Variants in SYT14 observed in about 807,000 individuals in gnomAD.
The protein encoded by SYT14 is synaptotagmin-14.
Under a neutral mutation model 74.2 loss-of-function variants are expected in SYT14, and 32 were observed. The observed-to-expected ratio is 0.43, with a 90% confidence interval of 0.33 to 0.58. SYT14 has a LOEUF of 0.58. Ranked by LOEUF, SYT14 falls within the 20% of genes least tolerant of loss-of-function variation. The pLI is 0.05. For synonymous variants in SYT14, 298 were observed against 337.7 expected (o/e 0.88, Z 1.29); for missense variants, 791 against 981.8 (o/e 0.81, Z 2.60).
rs1172334520 is a variant in SYT14 at position 210,160,849 on chromosome 1, C to T, written c.2402C>T (p.Ala801Val). 3.7e-6 allele frequency: 6 copies of T among 1,613,834 alleles called. No individual in the cohort carries two copies. The African/African-American group carries it at 8.0e-5, about 22-fold the overall frequency. ...AAGGAAACTTTTGTCTTTCAAGTGG[C>T]CCTATTTCAGCTTTCTGATGTGACA... The change falls in exon 10 of 10, where the codon GCC becomes GTC. Residue 801 changes from alanine to valine, a missense_variant. Physicochemically the swap from Ala to Val is moderately conservative, Grantham distance 64. Coordinates refer to ENST00000637265, the Ensembl canonical transcript of SYT14.
At chr1:210,028,010 A>AT (rs2080451337) in intron 5 of SYT14, among the ~76,000 whole-genome samples, 1 of 152,156 alleles carries the variant, frequency 6.6e-6, no homozygotes, top group African/African-American at 2.4e-5. Flanking sequence ...CATCTCTAGG[A>AT]TTTTTTCATC....
chr1:210,067,139 A>G (rs184277522), intron 5 of SYT14, among the ~76,000 whole-genome samples: 74 of 152,136 alleles, frequency 4.9e-4, no homozygotes, highest in African/African-American at 1.7e-3. Flanking sequence ...ACTGTCAAGT[A>G]TATGTCATTG....
At chr1:210,017,008 C>T in exon 4 of SYT14, 5 of 1,231,690 alleles carry the variant, frequency 4.1e-6, no homozygotes, top group Non-Finnish European at 5.1e-6. Context: ...TGAACGAAGA[C>T]ATAAAACCAA....
intron 2 of SYT14, among the ~76,000 whole-genome samples, chr1:209,959,093 C>A (rs9430026): frequency 0.46 from 69,326 of 152,044 alleles, 17,105 homozygotes; most frequent in Non-Finnish European, 0.56. Context: ...TATGTTTATA[C>A]AAAAATTTGT....
At chr1:210,052,348 G>A (rs1417143989) in intron 5 of SYT14, among the ~76,000 whole-genome samples, 1 of 151,164 alleles carries the variant, frequency 6.6e-6, no homozygotes, top group East Asian at 2.0e-4. Flanking sequence ...AGCCTCTGGA[G>A]TAGCTGGAAC....
At chr1:209,973,344 A>C (rs2079293828) in intron 2 of SYT14, among the ~76,000 whole-genome samples, 1 of 152,050 alleles carries the variant, frequency 6.6e-6, no homozygotes, top group Non-Finnish European at 1.5e-5. Flanking sequence ...TATATATCCT[A>C]ATGCTATCCC....
At chr1:210,159,138 A>G (rs538431169) in intron 8 of SYT14, among the ~76,000 whole-genome samples, 1 of 152,122 alleles carries the variant, frequency 6.6e-6, no homozygotes, top group Non-Finnish European at 1.5e-5. Context: ...TTCTATGTTC[A>G]ATGTGCTTTA....
At chr1:210,154,147 AT>A (rs1379657787) in intron 7 of SYT14, among the ~76,000 whole-genome samples, 2 of 152,184 alleles carry the variant, frequency 1.3e-5, no homozygotes, top group Non-Finnish European at 2.9e-5. Context: ...AAGGCTTTTA[AT>A]TACAAATTCA....
At chr1:210,121,382 T>G (rs1254703745) in intron 7 of SYT14, among the ~76,000 whole-genome samples, 22 of 152,162 alleles carry the variant, frequency 1.4e-4, no homozygotes, top group Admixed American at 1.4e-3. Context: ...CATACCAAGC[T>G]GGAAAAGAAG....
intron 7 of SYT14, among the ~76,000 whole-genome samples, chr1:210,110,627 C>T (rs1322481390): frequency 6.6e-6 from 1 of 152,098 alleles, no homozygotes; most frequent in Non-Finnish European, 1.5e-5. Flanking sequence ...TCAGGGGTAC[C>T]AAGGAGACAT....
At chr1:210,125,808 A>G (rs541022255) in intron 7 of SYT14, among the ~76,000 whole-genome samples, 2 of 152,254 alleles carry the variant, frequency 1.3e-5, no homozygotes, top group Non-Finnish European at 2.9e-5. Flanking sequence ...AGTCCATGCT[A>G]TACTAAAACA....
intron 5 of SYT14, among the ~76,000 whole-genome samples, chr1:210,092,208 G>T (rs1277491680): frequency 6.6e-6 from 1 of 152,084 alleles, no homozygotes; most frequent in East Asian, 1.9e-4. Flanking sequence ...CAGGTGTCAA[G>T]TTTGGAGGTA....
intron 6 of SYT14, among the ~76,000 whole-genome samples, chr1:210,097,415 T>G (rs2081986736): frequency 1.3e-5 from 2 of 152,174 alleles, no homozygotes; most frequent in African/African-American, 4.8e-5. Flanking sequence ...AAGGAAGGAT[T>G]GTTTGCTTAT....
At chr1:210,086,273 C>G (rs1032768827) in intron 5 of SYT14, among the ~76,000 whole-genome samples, 1 of 152,140 alleles carries the variant, frequency 6.6e-6, no homozygotes, top group Admixed American at 6.5e-5. Flanking sequence ...TGTAAAGGTA[C>G]CCTTCGTAAT....
intron 1 of SYT14, among the ~76,000 whole-genome samples, chr1:209,946,911 A>G (rs1321930455): frequency 1.3e-5 from 2 of 152,184 alleles, no homozygotes; most frequent in East Asian, 1.9e-4. Context: ...GTGCCCATTG[A>G]CGATTCTGAA....
Position 209,976,402 on chromosome 1 carries a change from T to C in SYT14, c.-486+23646T>C, listed in dbSNP as rs573516796. ...GTGTCCCAGAGATTCTGGTATGTTGTGTCTTTGTTCTCGTTGGTTTCAAAG... is the reference window on the plus strand; with the variant it reads ...GTGTCCCAGAGATTCTGGTATGTTGCGTCTTTGTTCTCGTTGGTTTCAAAG... On this transcript the variant is annotated intron_variant, in intron 2 of 9. Transcript: ENST00000637265. Among the ~76,000 whole-genome samples the C allele has an allele frequency of 4.0e-5, 6 of 151,826 alleles. No individual in the cohort carries two copies. In the East Asian group the frequency reaches 1.2e-3, roughly 29 times the overall value.
chr1:210,082,880 A>C (rs1572268184), intron 5 of SYT14, among the ~76,000 whole-genome samples: 1 of 152,236 alleles, frequency 6.6e-6, no homozygotes, highest in Non-Finnish European at 1.5e-5. Context: ...GAGGCAGTGA[A>C]TTGATTTTTC....
chr1:210,034,681 T>G (rs2080618240), intron 5 of SYT14, among the ~76,000 whole-genome samples: 1 of 151,946 alleles, frequency 6.6e-6, no homozygotes, highest in Admixed American at 6.6e-5. Context: ...ACACTCTCTG[T>G]GTGTAAATAT....
chr1:210,131,077 T>G (rs2082663839), intron 7 of SYT14, among the ~76,000 whole-genome samples: 1 of 152,192 alleles, frequency 6.6e-6, no homozygotes, highest in African/African-American at 2.4e-5. Flanking sequence ...ATCATTGTCC[T>G]AATTCCTTAG....
Sources: gnomAD v4.1 joint callset for allele counts (sites outside exome capture counted in the v4.1 genomes callset) on GRCh38, gnomAD v4.1.1 for gene constraint, MANE v1.5 for transcripts, NCBI Gene and HGNC (gene_info 2026-07-23, HGNC 2026-07-21) for gene names.